The following LAMP2 variants were observed in gnomAD, a reference collection of about 807,000 sequenced individuals.
LAMP2 encodes the protein lysosome-associated membrane glycoprotein 2.
LAMP2 carries 4 observed loss-of-function variants against 25.6 expected under a neutral mutation model. The observed-to-expected ratio is 0.16, with a 90% confidence interval of 0.08 to 0.36. The LOEUF is 0.36. Among genes scored for constraint, LAMP2 ranks in the 10% least tolerant of loss-of-function variants. LAMP2 has a pLI of 1.00. For synonymous variants in LAMP2, 108 were observed against 112.7 expected, an observed-to-expected ratio of 0.96 and a Z score of 0.27; for missense variants, 272 against 301.4, an observed-to-expected ratio of 0.90 and a Z score of 0.72.
rs41300908 is a variant in LAMP2, at chrX:120,428,074, A to G, written c.*3249T>C. ...GTCTGCCACCAATGAAAATGAATCC[A>G]CTATGTTCTTGAATTTATTTCCTGA... On this transcript the variant is annotated 3_prime_UTR_variant, in exon 9 of 9. Coordinates refer to ENST00000200639, the MANE Select transcript of LAMP2 (RefSeq NM_002294.3). 0.012 allele frequency: 1,328 copies of G among 113,440 alleles called. 13 individuals carry two copies. Among genetic ancestry groups the G allele is most frequent in the Non-Finnish European group, 0.018 (985 of 54,169 alleles). 9.3% of individuals were successfully genotyped at this position (113,440 alleles called of 1,213,427 possible). A position where few individuals can be genotyped will look rare whatever the true frequency, so the allele number is the denominator to read the frequency against.
Position 120,430,532 on chromosome X carries a change from T to G in LAMP2, c.*791A>C. ...TCTATCTTTCAATACTAATCAGGCA[T>G]CCAAAGAAGAACAAAACAAGAAACA... On this transcript the variant is annotated 3_prime_UTR_variant, in exon 9 of 9. Transcript: ENST00000200639. 1.3e-6 allele frequency: 1 copy of G among 751,293 alleles called. No individual in the cohort carries two copies. The highest frequency in any genetic ancestry group is 1.6e-6 in the Non-Finnish European group (1 of 636,230). The allele number at this position is 751,293 out of a possible 1,213,427, so 61.9% of individuals were successfully genotyped here.
intron 2 of LAMP2, 132 bp from the exon 3 acceptor site, chrX:120,455,702 G>A (rs904112124): frequency 1.0e-5 from 5 of 490,562 alleles, no homozygotes; most frequent in Admixed American, 3.2e-5. Flanking sequence ...CTGGTTTGCT[G>A]TGTAAACCAG....
intron 5 of LAMP2, 106 bp downstream of exon 5, chrX:120,447,735 G>A: frequency 1.3e-6 from 1 of 746,425 alleles, no homozygotes; most frequent in Non-Finnish European, 2.0e-6. Context: ...CAAACAAAAA[G>A]AAAACGGAAT....
At chrX:120,444,777 G>A (rs1405802170) in intron 6 of LAMP2, among the ~76,000 whole-genome samples, 2 of 111,704 alleles carry the variant, frequency 1.8e-5, no homozygotes, top group Non-Finnish European at 3.8e-5. Flanking sequence ...TAAGAATACT[G>A]GCTTTCTTCT....
intron 6 of LAMP2, among the ~76,000 whole-genome samples, chrX:120,444,480 T>C (rs2058587861): frequency 1.8e-5 from 2 of 111,161 alleles, no homozygotes; most frequent in Non-Finnish European, 3.8e-5. Flanking sequence ...CTTATCTCCC[T>C]ACCAATACAA....
chrX:120,429,700 G>C lies in LAMP2; in HGVS notation c.*1623C>G, dbSNP rs1376092866. 2.7e-6 allele frequency: 2 copies of C among 750,766 alleles called. No individual in the cohort carries two copies. Among genetic ancestry groups the C allele is most frequent in the Non-Finnish European group, 3.1e-6 (2 of 638,126 alleles). The allele number at this position is 750,766 out of a possible 1,213,427, so 61.9% of individuals were successfully genotyped here. ...ATCTCATAATTTCAAGTGTAAACCA[G>C]CTGTTGTTTTACTGTTGAGTGACTA... On this transcript the variant is annotated 3_prime_UTR_variant, in exon 9 of 9. Coordinates refer to ENST00000200639, the MANE Select transcript of LAMP2 (RefSeq NM_002294.3).
rs1251669182 is a variant in LAMP2, at chrX:120,427,775, T to A, written c.*3548A>T. On this transcript the variant is annotated 3_prime_UTR_variant, in exon 9 of 9. Coordinates refer to ENST00000200639, the MANE Select transcript of LAMP2 (RefSeq NM_002294.3). Reference sequence around the variant, plus strand: ...AGGTGTTCCAAATCAACACCTTTTTTAAAAAAAGCTGGAGGTCTTACTTCA... The same window carrying A: ...AGGTGTTCCAAATCAACACCTTTTTAAAAAAAAGCTGGAGGTCTTACTTCA... The A allele has an allele frequency of 9.0e-6, 1 of 111,398 alleles. No individual in the cohort carries two copies. Among genetic ancestry groups the A allele is most frequent in the African/African-American group, 3.3e-5 (1 of 30,632 alleles). The allele number at this position is 111,398 out of a possible 1,213,427, so 9.2% of individuals were successfully genotyped here.
chrX:120,439,137 T>C, intron 8 of LAMP2: 4 of 1,210,225 alleles, frequency 3.3e-6, no homozygotes, highest in Non-Finnish European at 4.5e-6. Flanking sequence ...GTAACAGAGA[T>C]CACGTATTGA....
chrX:120,462,338 T>C (rs1035972108), intron 1 of LAMP2, among the ~76,000 whole-genome samples: 1 of 109,491 alleles, frequency 9.1e-6, no homozygotes, highest in South Asian at 4.0e-4. Context: ...CTGGGCAACA[T>C]GGCAAGACCC....
At chrX:120,462,339 G>A (rs1009125246) in intron 1 of LAMP2, among the ~76,000 whole-genome samples, 2 of 109,569 alleles carry the variant, frequency 1.8e-5, no homozygotes, top group African/African-American at 6.7e-5. Flanking sequence ...TGGGCAACAT[G>A]GCAAGACCCC....
intron 8 of LAMP2, among the ~76,000 whole-genome samples, chrX:120,436,129 TACACACACACACAC>T (rs752616648): frequency 8.5e-4 from 76 of 89,643 alleles, no homozygotes; most frequent in African/African-American, 5.2e-4. Context: ...CAGGGGAGCT[TACACACACACACAC>T]ACACACACAC....
At chrX:120,431,909 A>G (rs774282900) in intron 8 of LAMP2, among the ~76,000 whole-genome samples, 1 of 112,184 alleles carries the variant, frequency 8.9e-6, no homozygotes, top group Admixed American at 9.5e-5. Context: ...ATACATTACA[A>G]TCTGGGATCA....
intron 1 of LAMP2, among the ~76,000 whole-genome samples, chrX:120,465,090 A>G (rs1472790032): frequency 9.0e-6 from 1 of 111,462 alleles, no homozygotes; most frequent in Non-Finnish European, 1.9e-5. Context: ...TTATCTGTTG[A>G]GCTTTCTTCT....
chrX:120,459,462 G>A (rs1921232658), intron 1 of LAMP2, among the ~76,000 whole-genome samples: 1 of 112,335 alleles, frequency 8.9e-6, no homozygotes, highest in Admixed American at 9.4e-5. Flanking sequence ...CAGGGAGGGA[G>A]ACAGGTGTGG....
chrX:120,446,955 T>C (rs1221669292), intron 5 of LAMP2, among the ~76,000 whole-genome samples: 1 of 112,283 alleles, frequency 8.9e-6, no homozygotes, highest in African/African-American at 3.2e-5. Flanking sequence ...TGTACTCTGA[T>C]CCACTGATGG....
chrX:120,449,256 T>C (rs2058611302), intron 3 of LAMP2, 128 bp from the exon 4 acceptor site: 2 of 517,009 alleles, frequency 3.9e-6, no homozygotes, highest in African/African-American at 2.4e-5. Flanking sequence ...ACAAAGGATA[T>C]AGCATGCTTA....
chrX:120,443,038 T>C (rs1444535462), intron 6 of LAMP2, among the ~76,000 whole-genome samples: 2 of 111,599 alleles, frequency 1.8e-5, no homozygotes, highest in East Asian at 5.6e-4. Context: ...TTCACTGCTA[T>C]TATCTTTCTG....
chrX:120,446,253 T>C, intron 6 of LAMP2, 52 bp downstream of exon 6: 2 of 1,141,673 alleles, frequency 1.8e-6, no homozygotes, highest in Non-Finnish European at 2.4e-6. Context: ...ATTTAGACTT[T>C]CAGATGTGTT....
intron 8 of LAMP2, chrX:120,438,731 C>CACAAAA (rs576233822): frequency 0.16 from 104,075 of 640,155 alleles, 3,201 homozygotes; most frequent in Non-Finnish European, 0.17. Flanking sequence ...CACACACACA[C>CACAAAA]AAAAAGAGCA....
Sources: gnomAD v4.1 joint callset for allele counts (sites outside exome capture counted in the v4.1 genomes callset) on GRCh38, gnomAD v4.1.1 for gene constraint, MANE v1.5 for transcripts, NCBI Gene and HGNC (gene_info 2026-07-23, HGNC 2026-07-21) for gene names.